FSCN2: variants seen among roughly 807,000 people sequenced by gnomAD.
FSCN2 encodes fascin actin-bundling protein 2, retinal.
FSCN2 carries 46 observed loss-of-function variants against 37.8 expected under a neutral mutation model. The observed-to-expected ratio is 1.22, with a 90% CI of 0.96 to 1.56. The LOEUF (loss-of-function observed/expected upper bound fraction) is 1.56, where lower values mean the gene tolerates loss of function less well. FSCN2 is among the 40% of genes most tolerant of loss of function. The pLI is 0.00. For missense variants in FSCN2, 844 were observed against 730.4 expected (o/e 1.16, Z -1.79); for synonymous variants, 351 against 309.4 (o/e 1.13, Z -1.41).
rs375636321 is a variant in FSCN2, at chr17:81,529,017, C to T, written c.486C>T (p.Ala162=). 127 of 1,585,562 alleles carry T rather than the reference C, an allele frequency of 8.0e-5. No individual in the cohort carries two copies. The highest frequency in any genetic ancestry group is 3.9e-4 in the Admixed American group (22 of 57,120). The part of the protein sequence containing the change: ...VHLCPREDEM[A]ADGDKPWGVD... ...TGTGCCCGCGGGAGGACGAGATGGCCGCAGACGGAGACAAGCCCTGGGGCG... is the reference window on the plus strand; with the variant it reads ...TGTGCCCGCGGGAGGACGAGATGGCTGCAGACGGAGACAAGCCCTGGGGCG... Residue 162 remains alanine, a synonymous_variant, in exon 1 of 5, where the codon GCC becomes GCT. Transcript: ENST00000417245.
In FSCN2 at chr17:81,536,876, C is replaced by A; in HGVS notation, c.1275C>A (p.Gly425=). 2 of 1,568,668 alleles carry A rather than the reference C, an allele frequency of 1.3e-6. No homozygotes were observed. The highest frequency in any genetic ancestry group is 1.7e-6 in the Non-Finnish European group (2 of 1,156,982). ...CGCCGACGCCGTCCCGTCCCCCAGGCCGCGACGGAGGGTTCTGGTACACGG... is the reference window on the plus strand; with the variant it reads ...CGCCGACGCCGTCCCGTCCCCCAGGACGCGACGGAGGGTTCTGGTACACGG... ...SFSDGAYRIR[G]RDGGFWYTGS... The change falls in exon 5 of 5, where the codon GGC becomes GGA. Residue 425 remains glycine (G), a splice_region_variant and synonymous_variant. Coordinates refer to ENST00000417245, the MANE Select transcript of FSCN2 (RefSeq NM_012418.4).
upstream of FSCN2, among the ~76,000 whole-genome samples, chr17:81,526,394 G>A (rs1206387227): frequency 1.3e-5 from 2 of 152,216 alleles, no homozygotes; most frequent in Admixed American, 6.5e-5. Flanking sequence ...ACTTTCAGAG[G>A]CCGCGGCGGG....
the FSCN2 span, chr17:81,519,103 G>A: frequency 6.6e-6 from 1 of 152,306 alleles, no homozygotes; most frequent in Non-Finnish European, 1.5e-5. Flanking sequence ...TTCGGGCAAG[G>A]TGAGCCCCGG....
Position 81,535,827 on chromosome 17 carries a change from CTCTCCATCCCCATCCCCA to C in FSCN2, c.984-310_984-293del, listed in dbSNP as rs1275042708. ...CATCCCCATCTCCATCACCATCCCC[CTCTCCATCCCCATCCCCA>C]TCTCCATCACCATCCCCCTCTCCAT... is the stretch of plus-strand genomic sequence containing the variant. On this transcript the variant is annotated intron_variant, in intron 2 of 4. Transcript: ENST00000417245. Among the ~76,000 whole-genome samples, 115 of 101,438 alleles carry C rather than the reference CTCTCCATCCCCATCCCCA, an allele frequency of 1.1e-3. 1 individual carries two copies. Among genetic ancestry groups the C allele is most frequent in the African/African-American group, 5.1e-3 (110 of 21,628 alleles). The allele number at this position is 101,438 out of a possible 152,430, so 66.5% of individuals were successfully genotyped here.
chr17:81,535,084 C>T lies in FSCN2; in HGVS notation c.859C>T (p.Leu287=). Residue 287 remains leucine, a synonymous_variant, in exon 2 of 5, where the codon CTA becomes TTA. Coordinates refer to ENST00000417245, the MANE Select transcript of FSCN2 (RefSeq NM_012418.4). The part of the protein sequence containing the change: ...VNVSANQDDE[L]DHETFLMQID... ...CGTCTCAGCCAATCAGGATGATGAA[C>T]TAGACCACGAGACCTTCCTGATGCA... 6.5e-7 allele frequency: 1 copy of T among 1,533,950 alleles called. No homozygotes were observed. Among genetic ancestry groups the T allele is most frequent in the Non-Finnish European group, 8.7e-7 (1 of 1,145,250 alleles).
intron 1 of FSCN2, among the ~76,000 whole-genome samples, chr17:81,534,355 A>G (rs1441261710): frequency 1.3e-5 from 2 of 152,102 alleles, no homozygotes; most frequent in Admixed American, 1.3e-4. Flanking sequence ...AAGCTCCGCA[A>G]TCTGACACAC....
chr17:81,525,660 G>C (rs1555670020), upstream of FSCN2, among the ~76,000 whole-genome samples: 1 of 152,164 alleles, frequency 6.6e-6, no homozygotes, highest in Non-Finnish European at 1.5e-5. Flanking sequence ...GGGAGGCAGA[G>C]GTTGCAGTGA....
intron 1 of FSCN2, among the ~76,000 whole-genome samples, chr17:81,532,320 GTGA>G (rs1251621167): frequency 7.2e-6 from 1 of 138,328 alleles, no homozygotes; most frequent in Non-Finnish European, 1.6e-5. Flanking sequence ...GGCGATGATG[GTGA>G]TGATAGTGAT....
At chr17:81,532,842 C>T (rs1568080114) in intron 1 of FSCN2, among the ~76,000 whole-genome samples, 1 of 151,826 alleles carries the variant, frequency 6.6e-6, no homozygotes, top group African/African-American at 2.4e-5. Context: ...TGATCCTCAA[C>T]CACCCTGCAT....
intron 1 of FSCN2, among the ~76,000 whole-genome samples, chr17:81,531,395 GATGGTGATGGTGATGGTGGTGGTGATA>G (rs2032578127): frequency 7.4e-6 from 1 of 134,918 alleles, no homozygotes; most frequent in Non-Finnish European, 1.6e-5. Context: ...TGATGGTGAT[GATGGTGATGGTGATGGTGGTGGTGATA>G]GTGATGATGG....
At position 81,537,078 on chromosome 17, in the gene FSCN2, T is replaced by A. The variant is rs2032913636; in HGVS notation, c.1477T>A (p.Ter493ArgextTer?). Residue 493 changes from the stop codon to arginine (R), a stop_lost, in exon 5 of 5, where the codon TGA becomes AGA. Transcript: ENST00000417245. ...APAGTALWEY[*>R] ...GGCCGGGACCGCGCTTTGGGAGTACTGAGGCCGCGCCCAGACCAGCCTGTC... is the reference window on the plus strand; with the variant it reads ...GGCCGGGACCGCGCTTTGGGAGTACAGAGGCCGCGCCCAGACCAGCCTGTC... 2.1e-6 allele frequency: 3 copies of A among 1,442,230 alleles called. No homozygotes were observed. The highest frequency in any genetic ancestry group is 9.1e-7 in the Non-Finnish European group (1 of 1,104,232). 89.3% of individuals were successfully genotyped at this position (1,442,230 alleles called of 1,614,324 possible).
Position 81,529,033 on chromosome 17 carries a change from C to T in FSCN2, c.502C>T (p.Pro168Ser). The T allele has an allele frequency of 6.3e-7, 1 of 1,589,078 alleles. No homozygotes were observed. Among genetic ancestry groups the T allele is most frequent in the Non-Finnish European group, 8.5e-7 (1 of 1,171,494 alleles). ...CGAGATGGCCGCAGACGGAGACAAG[C>T]CCTGGGGCGTGGACGCCCTCCTCAC... The part of the protein sequence containing the change: ...EDEMAADGDK[P>S]WGVDALLTLI... The change falls in exon 1 of 5, where the codon CCC (proline) becomes TCC (serine). Residue 168 changes from proline (P) to serine (S), a missense_variant. Transcript: ENST00000417245.
rs781899862 is a variant in FSCN2 at position 81,528,973 on chromosome 17, C to T, written c.442C>T (p.Arg148Trp). 200 of 1,587,108 alleles carry T rather than the reference C, an allele frequency of 1.3e-4. 1 individual carries two copies. In the East Asian group the frequency reaches 3.9e-3, roughly 31 times the overall value. ...GCAGGCCCACCTGCTGAGCGTGAGC[C>T]GGCGGCGCTACGTGCACCTGTGCCC... is the stretch of plus-strand genomic sequence containing the variant. The part of the protein sequence containing the change: ...HPQAHLLSVS[R>W]RRYVHLCPRE... Residue 148 changes from arginine to tryptophan, a missense_variant, in exon 1 of 5, where the codon CGG becomes TGG. Physicochemically the swap from Arg to Trp is moderately radical, Grantham distance 101. Transcript: ENST00000417245.
At chr17:81,522,654 C>T in the FSCN2 span, among the ~76,000 whole-genome samples, 1 of 152,256 alleles carries the variant, frequency 6.6e-6, no homozygotes, top group African/African-American at 2.4e-5. Context: ...GGCGTATGTA[C>T]ACCTGTGTGT....
chr17:81,518,735 T>A, the FSCN2 span, among the ~76,000 whole-genome samples: 1 of 152,140 alleles, frequency 6.6e-6, no homozygotes, highest in Non-Finnish European at 1.5e-5. Flanking sequence ...CCTCCTGCTC[T>A]GGCCAGCAGC....
chr17:81,535,872 C>A (rs1251129307), intron 2 of FSCN2, among the ~76,000 whole-genome samples: 13 of 137,982 alleles, frequency 9.4e-5, no homozygotes, highest in African/African-American at 3.3e-4. Context: ...CCTCTCCATC[C>A]CCATCCCCAT....
chr17:81,525,425 CA>C (rs1202765459), upstream of FSCN2, among the ~76,000 whole-genome samples: 200 of 47,808 alleles, frequency 4.2e-3, 3 homozygotes, highest in Admixed American at 6.3e-3. Flanking sequence ...GACTCTGTCT[CA>C]AAAAAAAAAA....
chr17:81,532,449 G>GA (rs1568079397), intron 1 of FSCN2, among the ~76,000 whole-genome samples: 12 of 66,856 alleles, frequency 1.8e-4, no homozygotes, highest in Non-Finnish European at 4.3e-4. Context: ...GATGATGATG[G>GA]TGATGGTGGT....
chr17:81,533,577 G>A (rs1338702097), intron 1 of FSCN2, among the ~76,000 whole-genome samples: 3 of 152,208 alleles, frequency 2.0e-5, no homozygotes, highest in Non-Finnish European at 2.9e-5. Context: ...AAGAGGCACT[G>A]GCTCTGCTTG....
Sources: allele counts gnomAD v4.1 joint callset (sites outside exome capture counted in the v4.1 genomes callset), GRCh38; gene constraint gnomAD v4.1.1; transcripts MANE v1.5; gene names NCBI Gene and HGNC (gene_info 2026-07-23, HGNC 2026-07-21).